The following FNDC1 variants were observed in gnomAD, a reference collection of about 807,000 sequenced individuals.
FNDC1 encodes fibronectin type III domain containing 1.
A neutral mutation model predicts 168.0 loss-of-function variants in FNDC1; 96 were observed. The ratio of observed to expected loss-of-function variants is 0.57; its 90% CI spans 0.48 to 0.68. The LOEUF is 0.68. Among genes scored for constraint, FNDC1 ranks in the 30% least tolerant of loss-of-function variants. The pLI, the probability that FNDC1 is intolerant of heterozygous loss-of-function variation, is 0.00. For missense variants in FNDC1, 2,587 were observed against 2,482.1 expected, an observed-to-expected ratio of 1.04 and a Z score of -0.90; for synonymous variants, 1,099 against 1,025.9, an observed-to-expected ratio of 1.07 and a Z score of -1.36.
intron 9 of FNDC1, among the ~76,000 whole-genome samples, chr6:159,227,708 C>G (rs890124530): frequency 1.3e-5 from 2 of 149,924 alleles, no homozygotes; most frequent in Non-Finnish European, 3.0e-5. Flanking sequence ...AATTTGGTCC[C>G]TTTAAATCAG....
rs114822210 is a variant in FNDC1 at position 159,186,746 on chromosome 6, C to T, written c.110-10685C>T. ...CAGAAACGCGTGGAGGTGGTGGTGG[C>T]GCTGACAGTCTGGAGGGGATAGAAA... On this transcript the variant is annotated intron_variant, in intron 1 of 22. Transcript: ENST00000297267. 9.2e-3 allele frequency among the ~76,000 whole-genome samples: 1,394 copies of T among 152,268 alleles called. 20 individuals carry two copies. The highest frequency in any genetic ancestry group is 0.031 in the African/African-American group (1,306 of 41,544).
intron 1 of FNDC1, among the ~76,000 whole-genome samples, chr6:159,184,804 G>A (rs1781958240): frequency 6.6e-6 from 1 of 152,112 alleles, no homozygotes; most frequent in Non-Finnish European, 1.5e-5. Flanking sequence ...AGCAAACAAT[G>A]GTCATTCTTT....
intron 22 of FNDC1, among the ~76,000 whole-genome samples, 172 bp downstream of exon 22, chr6:159,268,098 A>G (rs1357898295): frequency 6.6e-6 from 1 of 152,198 alleles, no homozygotes; most frequent in African/African-American, 2.4e-5. Flanking sequence ...TACTTCTATT[A>G]TGCATGGGTG....
At chr6:159,247,016 T>C (rs750093962) in intron 15 of FNDC1, 47 bp downstream of exon 15, 1 of 1,306,206 alleles carries the variant, frequency 7.7e-7, no homozygotes, top group South Asian at 1.2e-5. Flanking sequence ...TCTTTCCTAA[T>C]CAAAGGATCT....
intron 6 of FNDC1, among the ~76,000 whole-genome samples, chr6:159,222,032 AGAAG>A (rs2114976534): frequency 6.6e-6 from 1 of 152,340 alleles, no homozygotes; most frequent in East Asian, 1.9e-4. Flanking sequence ...GACGTGAGAG[AGAAG>A]GAAGAGCAGG....
At chr6:159,182,162 A>G (rs546721248) in intron 1 of FNDC1, among the ~76,000 whole-genome samples, 1 of 152,276 alleles carries the variant, frequency 6.6e-6, no homozygotes, top group East Asian at 1.9e-4. Context: ...GCTAGCACCT[A>G]GGGAGGCTGA....
chr6:159,271,525 G>A lies in FNDC1; in HGVS notation c.*83G>A. ...TAGGGGCTGTGAGCAAAGACAGCCA[G>A]CGTGCTCAGCCCCGCTGCCCTAGGT... On this transcript the variant is annotated 3_prime_UTR_variant, in exon 23 of 23. Transcript: ENST00000297267. 3 of 1,071,924 alleles carry A rather than the reference G, an allele frequency of 2.8e-6. No homozygotes were observed. The Middle Eastern group carries it at 6.8e-4, about 243-fold the overall frequency. The allele number at this position is 1,071,924 out of a possible 1,614,324, so 66.4% of individuals were successfully genotyped here.
At chr6:159,203,195 A>G (rs1446813962) in intron 4 of FNDC1, among the ~76,000 whole-genome samples, 2 of 152,192 alleles carry the variant, frequency 1.3e-5, no homozygotes, top group East Asian at 1.9e-4. Context: ...CACATGTGAG[A>G]TACTGGGGTT....
At chr6:159,228,153 T>C (rs1432530934) in intron 9 of FNDC1, among the ~76,000 whole-genome samples, 1 of 152,234 alleles carries the variant, frequency 6.6e-6, no homozygotes, top group Non-Finnish European at 1.5e-5. Flanking sequence ...TCTGAGTTGA[T>C]ATTTACAGTT....
At chr6:159,238,931 T>C (rs1783331199) in intron 13 of FNDC1, among the ~76,000 whole-genome samples, 2 of 152,216 alleles carry the variant, frequency 1.3e-5, no homozygotes, top group African/African-American at 4.8e-5. Flanking sequence ...GTCCGCAAAC[T>C]ACAACCTGTA....
chr6:159,197,515 C>A lies in FNDC1; in HGVS notation c.194C>A (p.Ala65Asp), dbSNP rs890764148. The A allele has an allele frequency of 8.7e-6, 14 of 1,613,888 alleles. No homozygotes were observed. The highest frequency in any genetic ancestry group is 1.1e-5 in the Non-Finnish European group (13 of 1,179,886). ...LKVTWDPPKD[A>D]TSRPVEHYNI... is the part of the protein sequence containing the mutation. ...GTCACGTGGGACCCACCCAAAGATG[C>A]TACCAGTAGACCTGTGGAGCATTAC... The change falls in exon 2 of 23, where the codon GCT (alanine) becomes GAT (aspartate). Residue 65 changes from alanine (A) to aspartate (D), a missense_variant. Physicochemically the swap from Ala to Asp is moderately radical, Grantham distance 126 (BLOSUM62 -2). Coordinates refer to ENST00000297267, the MANE Select transcript of FNDC1 (RefSeq NM_032532.3).
At chr6:159,257,606 A>G (rs1026981889) in intron 18 of FNDC1, among the ~76,000 whole-genome samples, 2 of 152,154 alleles carry the variant, frequency 1.3e-5, no homozygotes, top group Non-Finnish European at 2.9e-5. Flanking sequence ...AATGGCCCTC[A>G]TTAGACAGGC....
At chr6:159,195,056 C>T (rs1454727354) in intron 1 of FNDC1, among the ~76,000 whole-genome samples, 2 of 151,708 alleles carry the variant, frequency 1.3e-5, no homozygotes, top group Non-Finnish European at 2.9e-5. Flanking sequence ...AGGAGGAGGT[C>T]GCGATATTTG....
Position 159,232,738 on chromosome 6 carries a change from GGGCGGGAA to G in FNDC1, c.2229_2236del (p.Gly744TrpfsTer2), listed in dbSNP as rs1300759883. ...CACACCTGAGCTCTCCACTTTCCAA[GGGCGGGAA>G]GGATGGTGAGGACGCCCCAGCCACC... On this transcript the variant is annotated frameshift_variant, in exon 11 of 23. Coordinates refer to ENST00000297267, the MANE Select transcript of FNDC1 (RefSeq NM_032532.3). LOFTEE classifies it high-confidence loss of function. This position sits in a 1 kb window ranked among gnomAD's most constrained non-coding sequence, Gnocchi z 4.9. The G allele has an allele frequency of 6.2e-7, 1 of 1,613,940 alleles. No individual in the cohort carries two copies. Among genetic ancestry groups the G allele is most frequent in the Non-Finnish European group, 8.5e-7 (1 of 1,179,874 alleles).
intron 1 of FNDC1, among the ~76,000 whole-genome samples, chr6:159,173,603 A>G (rs1187330253): frequency 1.3e-5 from 2 of 152,250 alleles, no homozygotes; most frequent in East Asian, 3.8e-4. Context: ...TACTCTACCA[A>G]GACCATTCAC....
intron 11 of FNDC1, among the ~76,000 whole-genome samples, chr6:159,235,103 T>C (rs919440075): frequency 7.9e-5 from 12 of 152,144 alleles, no homozygotes; most frequent in Non-Finnish European, 1.0e-4. Context: ...CTCCAGAAAA[T>C]GTATGTTAAA....
chr6:159,200,230 A>T, intron 3 of FNDC1, 148 bp downstream of exon 3: 1 of 672,886 alleles, frequency 1.5e-6, no homozygotes, highest in Non-Finnish European at 2.5e-6. Flanking sequence ...AAGCTGACAG[A>T]TTGAAAAGTG....
At chr6:159,201,769 CGT>C (rs1782385486) in intron 4 of FNDC1, among the ~76,000 whole-genome samples, 1 of 152,134 alleles carries the variant, frequency 6.6e-6, no homozygotes, top group East Asian at 1.9e-4. Flanking sequence ...TAAACAGACA[CGT>C]GTGAACCTTT....
At chr6:159,217,105 C>T (rs185397331) in intron 5 of FNDC1, among the ~76,000 whole-genome samples, 20 of 152,288 alleles carry the variant, frequency 1.3e-4, no homozygotes, top group Non-Finnish European at 2.4e-4. Context: ...TGCGTGGCAC[C>T]TACTTAGTCT....
Sources: allele counts gnomAD v4.1 joint callset (sites outside exome capture counted in the v4.1 genomes callset), GRCh38; gene constraint gnomAD v4.1.1; non-coding constraint Gnocchi (gnomAD v3.1); transcripts MANE v1.5; gene names NCBI Gene and HGNC (gene_info 2026-07-23, HGNC 2026-07-21).